Variants in TAPBPL observed in about 807,000 individuals in gnomAD.
TAPBPL encodes tapasin-related protein.
Under a neutral mutation model 44.8 loss-of-function variants are expected in TAPBPL, and 32 were observed. The observed-to-expected ratio is 0.71, with a 90% CI of 0.54 to 0.96. The LOEUF is 0.96. Among genes scored for constraint, TAPBPL ranks in the 40% least tolerant of loss-of-function variants. The pLI is 0.00. For synonymous variants in TAPBPL, 230 were observed against 240.7 expected (o/e 0.96, Z 0.41); for missense variants, 520 against 586.6 (o/e 0.89, Z 1.17).
rs148937081 is a variant in TAPBPL at position 6,457,616 on chromosome 12, A to G, written c.776A>G (p.Gln259Arg). The change falls in exon 4 of 7, where the codon CAA becomes CGA. Residue 259 changes from glutamine (Q) to arginine (R), a missense_variant. Transcript: ENST00000266556. ...AAGGGCGCTACCCTGGAGCCTGCACAACTGGGCATGGCCAGGGATGCCTCC... is the reference window on the plus strand; with the variant it reads ...AAGGGCGCTACCCTGGAGCCTGCACGACTGGGCATGGCCAGGGATGCCTCC... Reference protein sequence around the residue: ...VRKGATLEPAQLGMARDASLT... With the variant: ...VRKGATLEPARLGMARDASLT... The G allele has an allele frequency of 2.4e-4, 383 of 1,614,182 alleles. 1 individual carries two copies. In the African/African-American group the frequency reaches 4.6e-3, roughly 19 times the overall value.
chr12:6,458,478 G>A (rs575778667), intron 4 of TAPBPL, among the ~76,000 whole-genome samples, 167 bp from the exon 5 acceptor site: 3 of 151,594 alleles, frequency 2.0e-5, no homozygotes, highest in Admixed American at 6.6e-5. Flanking sequence ...GCCCCCTTAC[G>A]GCCTGCATCC....
chr12:6,457,497 C>T lies in TAPBPL; in HGVS notation c.657C>T (p.Gly219=). 6.2e-7 allele frequency: 1 copy of T among 1,614,220 alleles called. No individual in the cohort carries two copies. The highest frequency in any genetic ancestry group is 8.5e-7 in the Non-Finnish European group (1 of 1,180,038). Residue 219 remains glycine (G), a synonymous_variant, in exon 4 of 7, where the codon GGC becomes GGT. Transcript: ENST00000266556. ...SLDCGFSMAP[G]LDLISVEWRL... is the part of the protein sequence containing the mutation. ...ACTGTGGCTTCTCCATGGCACCGGG[C>T]TTGGACCTCATCAGTGTGGAGTGGC...
At chr12:6,461,831 CTG>C (rs1240719805) in intron 6 of TAPBPL, among the ~76,000 whole-genome samples, 1 of 152,210 alleles carries the variant, frequency 6.6e-6, no homozygotes, top group Non-Finnish European at 1.5e-5. Flanking sequence ...CATACCAAAA[CTG>C]TACGTGAGGA....
chr12:6,464,763 A>C, downstream of TAPBPL: 1 of 1,536,002 alleles, frequency 6.5e-7, no homozygotes, highest in South Asian at 1.3e-5. Flanking sequence ...CCAGGTGACG[A>C]TCCCATAGCA....
At position 6,457,743 on chromosome 12, in the gene TAPBPL, A is replaced by G. The variant is rs200270358; in HGVS notation, c.903A>G (p.Gln301=). The change falls in exon 4 of 7, where the codon CAA becomes CAG. Residue 301 remains glutamine, a splice_region_variant and synonymous_variant. Transcript: ENST00000266556. ...AGCAGATCATCCAGCTCAACATCCA[A>G]GGTGAGGCCAGGACATGGTTATCCC... The part of the protein sequence containing the change: ...RAQQIIQLNI[Q]ASPKVRLSLA... 356 of 1,574,400 alleles carry G rather than the reference A, an allele frequency of 2.3e-4. No homozygotes were observed. The highest frequency in any genetic ancestry group is 4.0e-4 in the Admixed American group (23 of 57,950).
chr12:6,457,482 C>G lies in TAPBPL; in HGVS notation c.642C>G (p.Phe214Leu). 1 of 1,614,244 alleles carries G rather than the reference C, an allele frequency of 6.2e-7. No homozygotes were observed. Among genetic ancestry groups the G allele is most frequent in the Non-Finnish European group, 8.5e-7 (1 of 1,180,050 alleles). ...CCTCAGCCTCCTTGGACTGTGGCTT[C>G]TCCATGGCACCGGGCTTGGACCTCA... ...LGSSASLDCG[F>L]SMAPGLDLIS... is the part of the protein sequence containing the mutation. The change falls in exon 4 of 7, where the codon TTC (phenylalanine) becomes TTG (leucine). Residue 214 changes from phenylalanine (F) to leucine (L), a missense_variant. Physicochemically the swap from Phe to Leu is conservative, Grantham distance 22. Coordinates refer to ENST00000266556, the MANE Select transcript of TAPBPL (RefSeq NM_018009.5).
intron 5 of TAPBPL, 100 bp from the exon 6 acceptor site, chr12:6,460,755 A>G (rs1008160339): frequency 1.4e-5 from 16 of 1,153,480 alleles, no homozygotes; most frequent in Admixed American, 1.9e-5. Context: ...TCACACACAC[A>G]ATCCTTAGCT....
downstream of TAPBPL, chr12:6,470,395 C>T: frequency 1.5e-6 from 2 of 1,370,846 alleles, no homozygotes; most frequent in Non-Finnish European, 2.0e-6. Context: ...TGGCCCGGTC[C>T]GGAAGCGGCG....
chr12:6,465,411 T>TATATAC (rs1555130224), downstream of TAPBPL: 12 of 70,328 alleles, frequency 1.7e-4, 1 homozygote, highest in African/African-American at 5.4e-4. Context: ...AATGTATATA[T>TATATAC]ATGTATATAT....
Position 6,452,183 on chromosome 12 carries a change from C to A in TAPBPL, c.-66C>A. On this transcript the variant is annotated 5_prime_UTR_variant, in exon 1 of 7. Transcript: ENST00000266556. ...TGGAGAGCCCCCTTCTTCCGCCGGG[C>A]CTCGCAAGCAGCGTAGGACTGTGGA... The A allele has an allele frequency of 6.5e-7, 1 of 1,541,348 alleles. No individual in the cohort carries two copies. Among genetic ancestry groups the A allele is most frequent in the Non-Finnish European group, 8.8e-7 (1 of 1,138,322 alleles).
chr12:6,470,545 AGAGT>A (rs576722265), downstream of TAPBPL: 409 of 1,613,964 alleles, frequency 2.5e-4, no homozygotes, highest in African/African-American at 4.0e-3. Context: ...TCTGACAGAG[AGAGT>A]GAGGGTCTGT....
At chr12:6,469,945 A>G (rs2137015911), downstream of TAPBPL, among the ~76,000 whole-genome samples, 1 of 152,276 alleles carries the variant, frequency 6.6e-6, no homozygotes, top group Middle Eastern at 3.4e-3. Context: ...ATGACAGGCC[A>G]CTATCCCACT....
At chr12:6,464,640 C>G, downstream of TAPBPL, 1 of 1,455,634 alleles carries the variant, frequency 6.9e-7, no homozygotes, top group Non-Finnish European at 9.0e-7. Context: ...CAGTGACACA[C>G]AGCATAGCCC....
chr12:6,465,466 A>AGAGTGTGT (rs201563012), downstream of TAPBPL: 289 of 103,424 alleles, frequency 2.8e-3, 8 homozygotes, highest in African/African-American at 0.013. Context: ...GTGTATATAT[A>AGAGTGTGT]GTGTGTGTGT....
At position 6,452,238 on chromosome 12, in the gene TAPBPL, G is replaced by A. The variant is rs1481955993; in HGVS notation, c.-11G>A. ...GGCGGTGGGCAAGGAGGGAACTCGA[G>A]AGCAGCCTCCATGGGCACACAGGAG... On this transcript the variant is annotated 5_prime_UTR_variant, in exon 1 of 7. Transcript: ENST00000266556. 6.4e-7 allele frequency: 1 copy of A among 1,568,690 alleles called. No individual in the cohort carries two copies. The highest frequency in any genetic ancestry group is 8.6e-7 in the Non-Finnish European group (1 of 1,156,898).
Position 6,457,424 on chromosome 12 carries a change from C to T in TAPBPL, c.584C>T (p.Thr195Ile). Residue 195 changes from threonine (T) to isoleucine (I), a missense_variant, in exon 4 of 7, where the codon ACA (threonine) becomes ATA (isoleucine). Thr to Ile is a moderately conservative substitution (Grantham distance 89). Transcript: ENST00000266556. Reference protein sequence around the residue: ...VRTAVEFQVMTQTQSLSFLLG... With the variant: ...VRTAVEFQVMIQTQSLSFLLG... ...TTCACAGTGGAGTTCCAGGTGATGACACAGACCCAATCCCTGAGCTTCCTG... is the reference window on the plus strand; with the variant it reads ...TTCACAGTGGAGTTCCAGGTGATGATACAGACCCAATCCCTGAGCTTCCTG... The T allele has an allele frequency of 6.2e-7, 1 of 1,614,040 alleles. No homozygotes were observed. The highest frequency in any genetic ancestry group is 8.5e-7 in the Non-Finnish European group (1 of 1,179,902).
downstream of TAPBPL, chr12:6,465,769 G>A: frequency 6.4e-7 from 1 of 1,572,296 alleles, no homozygotes; most frequent in Non-Finnish European, 8.6e-7. Flanking sequence ...AAGAAATGTA[G>A]AAGCTGAGGG....
downstream of TAPBPL, chr12:6,463,272 A>AT: frequency 7.5e-7 from 1 of 1,338,432 alleles, no homozygotes; most frequent in Non-Finnish European, 9.6e-7. The surrounding 1 kb of genome is among the most constrained non-coding windows in gnomAD (Gnocchi z 4.0). Context: ...AGAGGGCCCC[A>AT]TGACAGCACA....
rs565851946 is a variant in TAPBPL, at chr12:6,460,486, C to T, written c.1208-369C>T. ...TTCACCATGTTGCCCAGGCTGGTCT[C>T]GAACTCCTGACCTCAGGTGATCCAC... On this transcript the variant is annotated intron_variant, in intron 5 of 6. Transcript: ENST00000266556. Among the ~76,000 whole-genome samples the T allele has an allele frequency of 1.0e-3, 154 of 152,242 alleles. 2 individuals carry two copies. Among genetic ancestry groups the T allele is most frequent in the African/African-American group, 3.4e-3 (142 of 41,544 alleles).
Sources: allele counts gnomAD v4.1 joint callset (sites outside exome capture counted in the v4.1 genomes callset), GRCh38; gene constraint gnomAD v4.1.1; non-coding constraint Gnocchi (gnomAD v3.1); transcripts MANE v1.5; gene names NCBI Gene and HGNC (gene_info 2026-07-23, HGNC 2026-07-21).